Variants in UNC5C observed in about 807,000 individuals in gnomAD.
UNC5C encodes netrin receptor UNC5C.
Under a neutral mutation model 99.8 loss-of-function variants are expected in UNC5C, and 47 were observed. The observed-to-expected ratio is 0.47, with a 90% CI of 0.37 to 0.60. The LOEUF (loss-of-function observed/expected upper bound fraction) is 0.60. Ranked by LOEUF, UNC5C falls within the 20% of genes least tolerant of loss-of-function variation. The probability of loss-of-function intolerance (pLI) is 0.00; values close to 1 mark genes in which losing one functional copy is unlikely to be tolerated. For synonymous variants in UNC5C, 487 were observed against 452.2 expected, an observed-to-expected ratio of 1.08 and a Z score of -0.98; for missense variants, 1,062 against 1,165.9, an observed-to-expected ratio of 0.91 and a Z score of 1.30.
In UNC5C at chr4:95,349,663, A is replaced by T. The variant is rs1042769055; in HGVS notation, c.125-14032T>A. Reference sequence around the variant, plus strand: ...GAATAACCACAAGTCTCTTCATTAAATTCAACCCTCCCAAATCAGTGATAC... The same window carrying T: ...GAATAACCACAAGTCTCTTCATTAATTTCAACCCTCCCAAATCAGTGATAC... On this transcript the variant is annotated intron_variant, in intron 1 of 15. Transcript: ENST00000453304. Among the ~76,000 whole-genome samples the T allele has an allele frequency of 3.3e-5, 5 of 151,894 alleles. No homozygotes were observed. In the South Asian group the frequency reaches 8.3e-4, roughly 25 times the overall value.
chr4:95,523,889 T>C (rs754964846), intron 1 of UNC5C, among the ~76,000 whole-genome samples: 1 of 152,152 alleles, frequency 6.6e-6, no homozygotes, highest in Non-Finnish European at 1.5e-5. Context: ...GGTTCACAAA[T>C]AATTTATTGA....
intron 11 of UNC5C, among the ~76,000 whole-genome samples, chr4:95,204,976 G>A (rs936256405): frequency 9.0e-5 from 13 of 144,102 alleles, no homozygotes; most frequent in African/African-American, 3.1e-4. Context: ...AAAGAGAGAA[G>A]CTCAGAACCT....
chr4:95,176,005 G>C (rs199533049), intron 14 of UNC5C, among the ~76,000 whole-genome samples: 1 of 150,924 alleles, frequency 6.6e-6, no homozygotes, highest in Admixed American at 6.6e-5. Flanking sequence ...ATCTTCCATC[G>C]CTGATACCCT....
At chr4:95,396,467 T>G (rs1452041687) in intron 1 of UNC5C, among the ~76,000 whole-genome samples, 1 of 152,052 alleles carries the variant, frequency 6.6e-6, no homozygotes, top group Non-Finnish European at 1.5e-5. Context: ...GATGATGATG[T>G]TGATGATGAT....
chr4:95,214,607 G>A (rs897848269), intron 10 of UNC5C, among the ~76,000 whole-genome samples: 3 of 152,252 alleles, frequency 2.0e-5, no homozygotes, highest in Non-Finnish European at 4.4e-5. Context: ...GCCTGCAGCA[G>A]CCCCTTAAGG....
At position 95,309,328 on chromosome 4, in the gene UNC5C, G is replaced by A. The variant is rs192634794; in HGVS notation, c.347-7579C>T. Among the ~76,000 whole-genome samples the A allele has an allele frequency of 1.7e-3, 262 of 151,792 alleles. 2 individuals carry two copies. The highest frequency in any genetic ancestry group is 6.0e-3 in the African/African-American group (248 of 41,402). On this transcript the variant is annotated intron_variant, in intron 2 of 15. Coordinates refer to ENST00000453304, the MANE Select transcript of UNC5C (RefSeq NM_003728.4). ...ATATAAACCCTGAAACTGTAAAACC[G>A]CTAGAAAAAAACATAGAGGAAAAGC...
chr4:95,375,275 G>C (rs940362816), intron 1 of UNC5C, among the ~76,000 whole-genome samples: 1 of 151,980 alleles, frequency 6.6e-6, no homozygotes, highest in Non-Finnish European at 1.5e-5. Context: ...ATTGAAGAAA[G>C]CATTTTAAAA....
At chr4:95,245,601 A>T (rs1739475320) in intron 5 of UNC5C, among the ~76,000 whole-genome samples, 2 of 152,254 alleles carry the variant, frequency 1.3e-5, no homozygotes, top group South Asian at 4.1e-4. Context: ...TAAACTTTAC[A>T]ACGTTTTAAG....
At position 95,166,771 on chromosome 4, in the gene UNC5C, A is replaced by G. The variant is rs1735871811; in HGVS notation, c.*2463T>C. ...TTTATTTCAAAATGTAGGAATGGAC[A>G]ATAGCTCTCTTTCCTCCTCCTCCTT... On this transcript the variant is annotated 3_prime_UTR_variant, in exon 16 of 16. Transcript: ENST00000453304. 1 of 152,184 alleles carries G rather than the reference A, an allele frequency of 6.6e-6. No individual in the cohort carries two copies. Among genetic ancestry groups the G allele is most frequent in the African/African-American group, 2.4e-5 (1 of 41,440 alleles). The allele number at this position is 152,184 out of a possible 1,614,324, so 9.4% of individuals were successfully genotyped here. A position where few individuals can be genotyped will look rare whatever the true frequency, so the allele number is the denominator to read the frequency against.
intron 1 of UNC5C, among the ~76,000 whole-genome samples, chr4:95,388,369 G>A (rs1745267922): frequency 6.6e-6 from 1 of 152,076 alleles, no homozygotes; most frequent in Admixed American, 6.6e-5. Context: ...AATCAAACTA[G>A]CCATCTTGGA....
intron 5 of UNC5C, among the ~76,000 whole-genome samples, chr4:95,248,778 C>T (rs1739590836): frequency 1.3e-5 from 2 of 152,116 alleles, no homozygotes. Context: ...CTGAGAAATT[C>T]CTATCACCTA....
At chr4:95,442,504 G>A (rs550193687) in intron 1 of UNC5C, among the ~76,000 whole-genome samples, 5 of 150,080 alleles carry the variant, frequency 3.3e-5, no homozygotes, top group East Asian at 4.0e-4. Flanking sequence ...CATCAAGCCC[G>A]CCTGTTTTTT....
At chr4:95,268,372 T>C (rs762114905) in intron 4 of UNC5C, among the ~76,000 whole-genome samples, 3 of 152,242 alleles carry the variant, frequency 2.0e-5, no homozygotes, top group Non-Finnish European at 4.4e-5. Flanking sequence ...GGCAATGTAA[T>C]GTTTTGTTGT....
At chr4:95,532,188 G>A (rs1414180205) in intron 1 of UNC5C, among the ~76,000 whole-genome samples, 3 of 152,116 alleles carry the variant, frequency 2.0e-5, no homozygotes, top group Middle Eastern at 3.2e-3. Flanking sequence ...AGGGTAGAAA[G>A]TCTGAAGTTA....
intron 14 of UNC5C, among the ~76,000 whole-genome samples, chr4:95,175,047 C>G (rs1736279377): frequency 1.3e-5 from 2 of 151,904 alleles, no homozygotes; most frequent in Admixed American, 1.3e-4. Context: ...TCTGTTTTAT[C>G]AGAGACTAGG....
At chr4:95,440,145 T>G (rs1401706024) in intron 1 of UNC5C, among the ~76,000 whole-genome samples, 6 of 152,132 alleles carry the variant, frequency 3.9e-5, no homozygotes, top group African/African-American at 1.4e-4. Flanking sequence ...CCTGCAGAGA[T>G]TATAAAATCA....
At chr4:95,195,718 T>A (rs1276205095) in intron 12 of UNC5C, among the ~76,000 whole-genome samples, 2 of 152,178 alleles carry the variant, frequency 1.3e-5, no homozygotes, top group African/African-American at 2.4e-5. Flanking sequence ...AACGTGAGCA[T>A]CACACAATTC....
intron 15 of UNC5C, 141 bp from the exon 16 acceptor site, chr4:95,169,540 G>T: frequency 3.4e-6 from 3 of 891,132 alleles, no homozygotes; most frequent in Non-Finnish European, 5.0e-6. Flanking sequence ...TAAATAACTA[G>T]CCCATGCTTA....
chr4:95,262,388 A>T (rs1740274792), intron 4 of UNC5C, among the ~76,000 whole-genome samples: 1 of 152,216 alleles, frequency 6.6e-6, no homozygotes, highest in Non-Finnish European at 1.5e-5. Flanking sequence ...ATTTCTACTT[A>T]CTTATGTATG....
Sources: gnomAD v4.1 joint callset for allele counts (sites outside exome capture counted in the v4.1 genomes callset) on GRCh38, gnomAD v4.1.1 for gene constraint, MANE v1.5 for transcripts, NCBI Gene and HGNC (gene_info 2026-07-23, HGNC 2026-07-21) for gene names.